The following TRIM36 variants were observed in gnomAD, a reference collection of about 807,000 sequenced individuals.
TRIM36 encodes the protein E3 ubiquitin-protein ligase TRIM36.
Under a neutral mutation model 72.4 loss-of-function variants are expected in TRIM36, and 42 were observed. That is an observed-to-expected ratio of 0.58 (90% CI 0.45 to 0.75). TRIM36 has a LOEUF of 0.75. Among genes scored for constraint, TRIM36 ranks in the 30% least tolerant of loss-of-function variants. The pLI is 0.00. For synonymous variants in TRIM36, 315 were observed against 282.8 expected, an observed-to-expected ratio of 1.11 and a Z score of -1.14; for missense variants, 913 against 857.1, an observed-to-expected ratio of 1.07 and a Z score of -0.81.
At chr5:115,167,801 C>T (rs538460934) in intron 1 of TRIM36, among the ~76,000 whole-genome samples, 161 of 152,296 alleles carry the variant, frequency 1.1e-3, no homozygotes, top group Middle Eastern at 6.8e-3. Flanking sequence ...CAGCAGTGCC[C>T]ACTACCTTGG....
intron 8 of TRIM36, 44 bp downstream of exon 8, chr5:115,133,816 T>G: frequency 6.6e-7 from 1 of 1,519,620 alleles, no homozygotes; most frequent in African/African-American, 1.4e-5. Context: ...CAAGGTCTCT[T>G]GCAACTAACT....
rs1230269394 is a variant in TRIM36, at chr5:115,169,779, G to A, written c.-145C>T. On this transcript the variant is annotated 5_prime_UTR_variant, in exon 1 of 10. Transcript: ENST00000513154. ...AGCTGGTCAGCTGTACGTGGCCAGC[G>A]GACCGACGCGGGGAGAAGTAAGCCG... The A allele has an allele frequency of 4.5e-6, 6 of 1,321,240 alleles. No individual in the cohort carries two copies. Among genetic ancestry groups the A allele is most frequent in the African/African-American group, 4.5e-5 (3 of 66,292 alleles). 81.8% of individuals were successfully genotyped at this position (1,321,240 alleles called of 1,614,324 possible).
intron 7 of TRIM36, among the ~76,000 whole-genome samples, chr5:115,135,374 T>C (rs1752906631): frequency 6.6e-6 from 1 of 152,132 alleles, no homozygotes; most frequent in Non-Finnish European, 1.5e-5. Context: ...ATCTGGAAAG[T>C]TATTCAAAAT....
At chr5:115,180,223 G>T, upstream of TRIM36, 1 of 549,938 alleles carries the variant, frequency 1.8e-6, no homozygotes, top group South Asian at 2.4e-5. Flanking sequence ...GGCCATCGAG[G>T]GCTCCCGGGC....
At chr5:115,128,134 T>G (rs1752453449) in intron 9 of TRIM36, among the ~76,000 whole-genome samples, 1 of 151,358 alleles carries the variant, frequency 6.6e-6, no homozygotes, top group African/African-American at 2.4e-5. Flanking sequence ...TCCCAGCACT[T>G]TGGGAGGCTG....
intron 4 of TRIM36, among the ~76,000 whole-genome samples, chr5:115,143,236 AAAAAAAAAAAAAAC>A (rs1561428886): frequency 1.3e-5 from 2 of 150,880 alleles, no homozygotes; most frequent in Admixed American, 1.3e-4. Context: ...AAAAAAAAAA[AAAAAAAAAAAAAAC>A]AAATCTCTAA....
chr5:115,152,869 A>G (rs1002275594), intron 2 of TRIM36, among the ~76,000 whole-genome samples: 3 of 152,200 alleles, frequency 2.0e-5, no homozygotes, highest in Non-Finnish European at 2.9e-5. Context: ...AAGGAGCTCT[A>G]AATCTTGAAA....
intron 3 of TRIM36, 124 bp from the exon 4 acceptor site, chr5:115,144,868 T>TA: frequency 9.4e-7 from 1 of 1,068,534 alleles, no homozygotes; most frequent in South Asian, 1.7e-5. Context: ...AATATGAATG[T>TA]AAAAAGAAAA....
intron 7 of TRIM36, among the ~76,000 whole-genome samples, chr5:115,136,376 G>A (rs1752965644): frequency 6.6e-6 from 1 of 152,154 alleles, no homozygotes; most frequent in Non-Finnish European, 1.5e-5. Context: ...GAGAGGTTCA[G>A]AAGAAACCAA....
chr5:115,158,539 T>A (rs1000633838), intron 2 of TRIM36, among the ~76,000 whole-genome samples: 2 of 152,250 alleles, frequency 1.3e-5, no homozygotes, highest in African/African-American at 2.4e-5. Context: ...TCGCTATCCC[T>A]GGACAGTTCA....
intron 2 of TRIM36, among the ~76,000 whole-genome samples, chr5:115,156,362 A>G (rs182637102): frequency 6.6e-6 from 1 of 152,272 alleles, no homozygotes; most frequent in African/African-American, 2.4e-5. Context: ...CCAAAGCAAG[A>G]CTAATAAGCA....
chr5:115,163,788 G>C, intron 1 of TRIM36, 36 bp from the exon 2 acceptor site: 1 of 1,523,648 alleles, frequency 6.6e-7, no homozygotes, highest in Non-Finnish European at 9.1e-7. Flanking sequence ...AAGGCTCTTA[G>C]TGGGTAAATA....
chr5:115,170,855 A>G (rs1456306750), upstream of TRIM36, among the ~76,000 whole-genome samples: 3 of 152,230 alleles, frequency 2.0e-5, no homozygotes, highest in Non-Finnish European at 4.4e-5. Context: ...CCCCGCGGGG[A>G]GTGCTGCTGA....
chr5:115,137,333 G>C lies in TRIM36; in HGVS notation c.1085+30C>G, dbSNP rs377517444. ...CAGCATTTAATAACATTGCTCAATA[G>C]GTTCTAAAGTTAGAAGTAAAAGAGA... On this transcript the variant is annotated intron_variant, in intron 6 of 9. Coordinates refer to ENST00000513154, the MANE Select transcript of TRIM36 (RefSeq NM_001300759.2). 10 of 1,579,930 alleles carry C rather than the reference G, an allele frequency of 6.3e-6. No homozygotes were observed. In the African/African-American group the frequency reaches 1.4e-4, roughly 21 times the overall value.
intron 5 of TRIM36, among the ~76,000 whole-genome samples, chr5:115,140,566 C>G (rs1753222927): frequency 6.6e-6 from 1 of 152,156 alleles, no homozygotes; most frequent in African/African-American, 2.4e-5. Flanking sequence ...CTCCATATAA[C>G]CTTTCCAGAC....
chr5:115,174,308 A>C (rs923877932), upstream of TRIM36: 25 of 152,238 alleles, frequency 1.6e-4, no homozygotes, highest in Admixed American at 3.3e-4. Context: ...TATTCCCTAA[A>C]CTCTGCCCCC....
chr5:115,169,937 G>A (rs1163194373), upstream of TRIM36: 2 of 1,247,864 alleles, frequency 1.6e-6, no homozygotes, highest in Non-Finnish European at 2.0e-6. Context: ...GCAGAGACCT[G>A]GGCGGGGCAC....
intron 2 of TRIM36, among the ~76,000 whole-genome samples, chr5:115,160,353 T>C (rs1754414497): frequency 6.6e-6 from 1 of 152,190 alleles, no homozygotes. Context: ...ATATCCAAAA[T>C]ACTATGATTT....
In TRIM36 at chr5:115,130,901, T is replaced by A; in HGVS notation, c.1499-12A>T. 6.3e-7 allele frequency: 1 copy of A among 1,595,462 alleles called. No homozygotes were observed. Among genetic ancestry groups the A allele is most frequent in the South Asian group, 1.1e-5 (1 of 89,196 alleles). On this transcript the variant is annotated splice_polypyrimidine_tract_variant and intron_variant, in intron 8 of 9. Coordinates refer to ENST00000513154, the MANE Select transcript of TRIM36 (RefSeq NM_001300759.2). ...GAGGAAGCTGAAAACTAAATGGAGC[T>A]TAAAATTAATATCAGGCTAAAAATT...
Sources: allele counts gnomAD v4.1 joint callset (sites outside exome capture counted in the v4.1 genomes callset), GRCh38; gene constraint gnomAD v4.1.1; transcripts MANE v1.5; gene names NCBI Gene and HGNC (gene_info 2026-07-23, HGNC 2026-07-21).